Variants in EPHA7 observed in about 807,000 individuals in gnomAD.
EPHA7 encodes the protein EPH receptor A7.
EPHA7 carries 25 observed loss-of-function variants against 112.6 expected under a neutral mutation model. The observed-to-expected ratio is 0.22, with a 90% CI of 0.16 to 0.31. EPHA7 has a LOEUF of 0.31. Among genes scored for constraint, EPHA7 ranks in the 10% least tolerant of loss-of-function variants. The pLI, the probability that EPHA7 is intolerant of heterozygous loss-of-function variation, is 1.00. For missense variants in EPHA7, 962 were observed against 1,212.6 expected (o/e 0.79, Z 3.07); for synonymous variants, 437 against 406.5 (o/e 1.07, Z -0.90).
intron 5 of EPHA7, among the ~76,000 whole-genome samples, chr6:93,296,507 G>T (rs904528925): frequency 1.4e-5 from 2 of 147,970 alleles, no homozygotes; most frequent in Non-Finnish European, 3.0e-5. Flanking sequence ...ATATTATTCA[G>T]CATTAAACAA....
chr6:93,328,073 C>T (rs1562099473), intron 5 of EPHA7, among the ~76,000 whole-genome samples: 1 of 151,484 alleles, frequency 6.6e-6, no homozygotes, highest in Non-Finnish European at 1.5e-5. Flanking sequence ...GCTAAACATG[C>T]TCTTTCCTTG....
chr6:93,258,673 T>A (rs909785149), intron 10 of EPHA7, among the ~76,000 whole-genome samples: 8 of 148,078 alleles, frequency 5.4e-5, no homozygotes, highest in African/African-American at 1.2e-4. Flanking sequence ...TATTTAAAAA[T>A]TTTTTTATAT....
Position 93,393,685 on chromosome 6 carries a change from A to C in EPHA7, c.832+16816T>G, listed in dbSNP as rs544127149. On this transcript the variant is annotated intron_variant, in intron 3 of 16. Coordinates refer to ENST00000369303, the MANE Select transcript of EPHA7 (RefSeq NM_004440.4). ...GCATGAAATGCCACTTTGCTTTCTAAACCTCAGTGTTACTAATCTAATATG... is the reference window on the plus strand; with the variant it reads ...GCATGAAATGCCACTTTGCTTTCTACACCTCAGTGTTACTAATCTAATATG... Among the ~76,000 whole-genome samples, 4 of 151,926 alleles carry C rather than the reference A, an allele frequency of 2.6e-5. No homozygotes were observed. In the South Asian group the frequency reaches 8.3e-4, roughly 32 times the overall value.
At chr6:93,395,673 G>C (rs1442084574) in intron 3 of EPHA7, among the ~76,000 whole-genome samples, 2 of 150,468 alleles carry the variant, frequency 1.3e-5, no homozygotes, top group South Asian at 2.1e-4. Context: ...TGACACATAG[G>C]GCTTCATTTG....
In EPHA7 at chr6:93,240,253, CA is replaced by C. The variant is rs1177882255; in HGVS notation, c.*3172del. 2.7e-5 allele frequency: 6 copies of C among 224,034 alleles called. No individual in the cohort carries two copies. The highest frequency in any genetic ancestry group is 5.7e-5 in the Admixed American group (1 of 17,464). 13.9% of individuals were successfully genotyped at this position (224,034 alleles called of 1,614,324 possible). On this transcript the variant is annotated 3_prime_UTR_variant, in exon 17 of 17. Transcript: ENST00000369303. ...TTCCCCATGATTTCTCCACATATAGCAAAAAAATACACATCAGTAATTTATT... is the reference window on the plus strand; with the variant it reads ...TTCCCCATGATTTCTCCACATATAGCAAAAAATACACATCAGTAATTTATT...
At chr6:93,269,864 C>T (rs80327039) in intron 6 of EPHA7, among the ~76,000 whole-genome samples, 5,344 of 151,550 alleles carry the variant, frequency 0.035, 323 homozygotes, top group African/African-American at 0.12. Flanking sequence ...ATATTTAGGG[C>T]GAAATAATTT....
intron 5 of EPHA7, among the ~76,000 whole-genome samples, chr6:93,314,549 G>C (rs969789036): frequency 2.0e-5 from 3 of 152,022 alleles, no homozygotes; most frequent in African/African-American, 7.2e-5. Context: ...TTAGTTCAAC[G>C]AAGAGCAACA....
chr6:93,275,221 T>C (rs1281665827), intron 5 of EPHA7, among the ~76,000 whole-genome samples: 1 of 151,820 alleles, frequency 6.6e-6, no homozygotes, highest in African/African-American at 2.4e-5. Context: ...ATTTAAATTA[T>C]AATTTTCATA....
At chr6:93,405,271 A>G (rs546230883) in intron 3 of EPHA7, among the ~76,000 whole-genome samples, 1 of 152,002 alleles carries the variant, frequency 6.6e-6, no homozygotes, top group East Asian at 1.9e-4. Context: ...TTGATATTCT[A>G]TAGAGTAAGT....
chr6:93,307,979 T>C (rs1773341882), intron 5 of EPHA7, among the ~76,000 whole-genome samples: 5 of 152,206 alleles, frequency 3.3e-5, no homozygotes, highest in Admixed American at 3.3e-4. Flanking sequence ...TCAGATGTCA[T>C]CACTATCAGA....
Position 93,242,818 on chromosome 6 carries a change from A to G in EPHA7, c.*608T>C. Reference sequence around the variant, plus strand: ...TATCAAAACAGCACTGATTAAACAGAATAAAATGGCACAAAAAGGATACCA... The same window carrying G: ...TATCAAAACAGCACTGATTAAACAGGATAAAATGGCACAAAAAGGATACCA... On this transcript the variant is annotated 3_prime_UTR_variant, in exon 17 of 17. Transcript: ENST00000369303. 1 of 209,302 alleles carries G rather than the reference A, an allele frequency of 4.8e-6. No homozygotes were observed. Among genetic ancestry groups the G allele is most frequent in the Non-Finnish European group, 9.8e-6 (1 of 102,546 alleles). 13.0% of individuals were successfully genotyped at this position (209,302 alleles called of 1,614,324 possible). A position where few individuals can be genotyped will look rare whatever the true frequency, so the allele number is the denominator to read the frequency against.
chr6:93,349,756 CA>C (rs1775594672), intron 5 of EPHA7, among the ~76,000 whole-genome samples: 1 of 151,632 alleles, frequency 6.6e-6, no homozygotes. Flanking sequence ...TAAAAATATA[CA>C]AATTTAAATG....
At chr6:93,296,493 C>CAG (rs1772678919) in intron 5 of EPHA7, among the ~76,000 whole-genome samples, 1 of 147,390 alleles carries the variant, frequency 6.8e-6, no homozygotes, top group Non-Finnish European at 1.5e-5. Flanking sequence ...CACACACACA[C>CAG]AGAATATTAT....
In EPHA7 at chr6:93,246,762, C is replaced by T. The variant is rs757325652; in HGVS notation, c.2726+30G>A. 12 of 1,554,342 alleles carry T rather than the reference C, an allele frequency of 7.7e-6. No homozygotes were observed. In the South Asian group the frequency reaches 1.3e-4, roughly 16 times the overall value. ...GTTTATGTTACTATTGTAATTTCTC[C>T]CAGATTCCATTCCCTTAGGCATTTC... On this transcript the variant is annotated intron_variant, in intron 15 of 16. Transcript: ENST00000369303.
intron 5 of EPHA7, among the ~76,000 whole-genome samples, chr6:93,273,691 T>A (rs980390217): frequency 1.3e-5 from 2 of 151,934 alleles, no homozygotes; most frequent in Non-Finnish European, 2.9e-5. Context: ...ACAAACTGTG[T>A]TTACAGTCTA....
chr6:93,259,308 C>T (rs1387833056), intron 10 of EPHA7, 46 bp downstream of exon 10: 2 of 1,605,360 alleles, frequency 1.2e-6, no homozygotes, highest in Non-Finnish European at 1.7e-6. Flanking sequence ...GACTTTCGAT[C>T]TTGGCTAAAT....
At chr6:93,244,963 G>A (rs1180489928) in intron 16 of EPHA7, among the ~76,000 whole-genome samples, 1 of 152,174 alleles carries the variant, frequency 6.6e-6, no homozygotes, top group Non-Finnish European at 1.5e-5. Context: ...ATGGTGTTTA[G>A]AACACCAGCT....
rs180700999 is a variant in EPHA7, at chr6:93,243,699, T to C, written c.2883-159A>G. Among the ~76,000 whole-genome samples the C allele has an allele frequency of 6.6e-5, 10 of 152,274 alleles. No homozygotes were observed. In the East Asian group the frequency reaches 1.9e-3, roughly 29 times the overall value. The stretch of plus-strand genomic sequence containing the variant: ...ATCACACCCCTGCAGCAGATCAGAA[T>C]TGTAAAACCTACATCAACATTCTCC... On this transcript the variant is annotated intron_variant, in intron 16 of 16. Transcript: ENST00000369303.
Position 93,367,335 on chromosome 6 carries a change from AG to A in EPHA7, c.833-8925del, listed in dbSNP as rs1289820297. ...TTCAAATTGTTCTCATATTTACTAA[AG>A]TATCATAAATTTTGCACATCAGTTT... is the stretch of plus-strand genomic sequence containing the variant. On this transcript the variant is annotated intron_variant, in intron 3 of 16. Transcript: ENST00000369303. 2.6e-5 allele frequency among the ~76,000 whole-genome samples: 4 copies of A among 152,298 alleles called. No homozygotes were observed. The East Asian group carries it at 7.7e-4, about 29-fold the overall frequency.
Sources: allele counts gnomAD v4.1 joint callset (sites outside exome capture counted in the v4.1 genomes callset), GRCh38; gene constraint gnomAD v4.1.1; transcripts MANE v1.5; gene names NCBI Gene and HGNC (gene_info 2026-07-23, HGNC 2026-07-21).